The following PLEKHM3 variants were observed in gnomAD, a reference collection of about 807,000 sequenced individuals.
PLEKHM3 encodes pleckstrin homology domain containing M3.
In PLEKHM3, 45 loss-of-function variants were observed where a neutral mutation model predicts 81.8. The observed-to-expected ratio is 0.55, with a 90% confidence interval of 0.43 to 0.71. The LOEUF is 0.71. Ranked by LOEUF, PLEKHM3 falls within the 30% of genes least tolerant of loss-of-function variation. PLEKHM3 has a pLI of 0.00. For missense variants in PLEKHM3, 788 were observed against 924.3 expected, an observed-to-expected ratio of 0.85 and a Z score of 1.91; for synonymous variants, 352 against 356.4, an observed-to-expected ratio of 0.99 and a Z score of 0.14.
intron 1 of PLEKHM3, among the ~76,000 whole-genome samples, chr2:208,023,199 C>T (rs767417729): frequency 2.0e-5 from 3 of 150,712 alleles, no homozygotes; most frequent in African/African-American, 4.9e-5. Flanking sequence ...GGCTGGTGTG[C>T]GTGGCGTAAT....
At chr2:208,016,696 C>CACACA (rs368432659) in intron 1 of PLEKHM3, among the ~76,000 whole-genome samples, 1 of 148,382 alleles carries the variant, frequency 6.7e-6, no homozygotes, top group Non-Finnish European at 1.5e-5. Flanking sequence ...CACACACACA[C>CACACA]CCTGGTTTCA....
intron 2 of PLEKHM3, among the ~76,000 whole-genome samples, chr2:207,982,084 A>G (rs1240424063): frequency 6.6e-6 from 1 of 152,168 alleles, no homozygotes; most frequent in Non-Finnish European, 1.5e-5. Flanking sequence ...ACTTCCACTT[A>G]ATGAATAGTA....
At chr2:207,935,458 A>G (rs942392742) in intron 4 of PLEKHM3, among the ~76,000 whole-genome samples, 8 of 152,178 alleles carry the variant, frequency 5.3e-5, no homozygotes, top group African/African-American at 1.9e-4. Context: ...CTAAGCTGTG[A>G]GTTTGCTGAG....
intron 7 of PLEKHM3, among the ~76,000 whole-genome samples, chr2:207,858,555 C>T (rs999902516): frequency 2.7e-5 from 4 of 150,890 alleles, no homozygotes; most frequent in African/African-American, 9.8e-5. Flanking sequence ...GATCTCTGCT[C>T]ACTGCGACCT....
chr2:207,989,420 G>C (rs775869491), intron 2 of PLEKHM3, among the ~76,000 whole-genome samples: 1 of 152,134 alleles, frequency 6.6e-6, no homozygotes, highest in African/African-American at 2.4e-5. Flanking sequence ...ATTCAGAGAC[G>C]GCAGGAAGGG....
rs111658778 is a variant in PLEKHM3 at position 207,997,368 on chromosome 2, A to G, written c.610+3662T>C. 3.9e-5 allele frequency among the ~76,000 whole-genome samples: 6 copies of G among 152,342 alleles called. 1 individual carries two copies. The highest frequency in any genetic ancestry group is 1.4e-4 in the African/African-American group (6 of 41,574). ...GATGAAGAAGACCCTTGGACTTACT[A>G]CAGGAGGAAGGAAAGAGATGGAGGA... is the stretch of plus-strand genomic sequence containing the variant. On this transcript the variant is annotated intron_variant, in intron 2 of 7. Coordinates refer to ENST00000427836, the MANE Select transcript of PLEKHM3 (RefSeq NM_001080475.3).
chr2:208,000,578 T>C (rs1692262838), intron 2 of PLEKHM3, among the ~76,000 whole-genome samples: 1 of 152,198 alleles, frequency 6.6e-6, no homozygotes, highest in African/African-American at 2.4e-5. Context: ...CTCAGCTAGA[T>C]GAAAAGTTCT....
chr2:207,852,040 C>T (rs35562999), intron 7 of PLEKHM3, among the ~76,000 whole-genome samples: 2,768 of 152,192 alleles, frequency 0.018, 36 homozygotes, highest in Non-Finnish European at 0.031. Context: ...CTTATTGCTC[C>T]GAGTGTAAAG....
At position 207,828,177 on chromosome 2, in the gene PLEKHM3, T is replaced by C; in HGVS notation, c.*142A>G. Reference sequence around the variant, plus strand: ...CAGGACGTATAGGTATTTGCGTATATATAAATAAATATATATATCTATATC... The same window carrying C: ...CAGGACGTATAGGTATTTGCGTATACATAAATAAATATATATATCTATATC... On this transcript the variant is annotated 3_prime_UTR_variant, in exon 8 of 8. Coordinates refer to ENST00000427836, the MANE Select transcript of PLEKHM3 (RefSeq NM_001080475.3). The C allele has an allele frequency of 1.6e-6, 1 of 620,878 alleles. No individual in the cohort carries two copies. Among genetic ancestry groups the C allele is most frequent in the East Asian group, 3.2e-5 (1 of 31,128 alleles). The allele number at this position is 620,878 out of a possible 1,614,324, so 38.5% of individuals were successfully genotyped here.
chr2:207,878,219 G>C (rs542693137), intron 6 of PLEKHM3, among the ~76,000 whole-genome samples: 98 of 152,214 alleles, frequency 6.4e-4, no homozygotes, highest in African/African-American at 2.1e-3. Flanking sequence ...ACTGCGCCCA[G>C]CCTTGCCCTA....
chr2:207,985,707 G>A (rs1691691753), intron 2 of PLEKHM3, among the ~76,000 whole-genome samples: 1 of 151,832 alleles, frequency 6.6e-6, no homozygotes, highest in South Asian at 2.1e-4. Context: ...TGTTCTGGCC[G>A]GGTGCGGTGT....
At chr2:207,914,681 CA>C (rs34724181) in intron 5 of PLEKHM3, among the ~76,000 whole-genome samples, 21,711 of 112,800 alleles carry the variant, frequency 0.19, 5,400 homozygotes, top group African/African-American at 0.57. Context: ...GACCCTGTGT[CA>C]AAAAAAAAAA....
chr2:207,882,834 T>A (rs907147213), intron 6 of PLEKHM3, among the ~76,000 whole-genome samples: 1 of 152,110 alleles, frequency 6.6e-6, no homozygotes, highest in African/African-American at 2.4e-5. Flanking sequence ...AAGTTTTTTT[T>A]TTAATTTTTT....
At chr2:207,847,064 C>A (rs1285695767) in intron 7 of PLEKHM3, among the ~76,000 whole-genome samples, 1 of 152,220 alleles carries the variant, frequency 6.6e-6, no homozygotes, top group Admixed American at 6.5e-5. Context: ...ATGATCAATA[C>A]AATATTAACC....
At chr2:207,961,860 G>A (rs910251120) in intron 3 of PLEKHM3, among the ~76,000 whole-genome samples, 1 of 152,194 alleles carries the variant, frequency 6.6e-6, no homozygotes, top group Admixed American at 6.5e-5. Flanking sequence ...AGGGAACAGG[G>A]CAAGTAGGCC....
chr2:207,935,724 C>T (rs1449908186), intron 4 of PLEKHM3, among the ~76,000 whole-genome samples: 10 of 152,152 alleles, frequency 6.6e-5, no homozygotes, highest in African/African-American at 2.4e-4. Flanking sequence ...CTGCTCTGTG[C>T]TTTTTAGCAT....
chr2:208,016,193 CA>C (rs1692907312), intron 1 of PLEKHM3, among the ~76,000 whole-genome samples: 1 of 152,026 alleles, frequency 6.6e-6, no homozygotes, highest in African/African-American at 2.4e-5. Context: ...GACTCCATCT[CA>C]AATAAATAAA....
intron 4 of PLEKHM3, among the ~76,000 whole-genome samples, chr2:207,934,993 G>T (rs1180661960): frequency 6.6e-6 from 1 of 152,216 alleles, no homozygotes; most frequent in Non-Finnish European, 1.5e-5. Flanking sequence ...TAGCAATTTG[G>T]AGACGACATG....
At chr2:207,943,452 C>T (rs975082486) in intron 4 of PLEKHM3, among the ~76,000 whole-genome samples, 1 of 152,180 alleles carries the variant, frequency 6.6e-6, no homozygotes, top group African/African-American at 2.4e-5. Flanking sequence ...AGTATGTTAT[C>T]TATTATGTGT....
Sources: gnomAD v4.1 joint callset for allele counts (sites outside exome capture counted in the v4.1 genomes callset) on GRCh38, gnomAD v4.1.1 for gene constraint, MANE v1.5 for transcripts, NCBI Gene and HGNC (gene_info 2026-07-23, HGNC 2026-07-21) for gene names.